Variants in RANBP2 observed in about 807,000 individuals in gnomAD.
RANBP2 encodes RAN binding protein 2.
RANBP2 carries 57 observed loss-of-function variants against 303.6 expected under a neutral mutation model. The observed-to-expected ratio is 0.19, with a 90% CI of 0.15 to 0.23. The LOEUF is 0.23. Among genes scored for constraint, RANBP2 ranks in the 10% least tolerant of loss-of-function variants. The pLI, the probability that RANBP2 is intolerant of heterozygous loss-of-function variation, is 1.00. For missense variants in RANBP2, 3,138 were observed against 3,780.8 expected, an observed-to-expected ratio of 0.83 and a Z score of 4.46; for synonymous variants, 1,167 against 1,301.5, an observed-to-expected ratio of 0.90 and a Z score of 2.23.
the RANBP2 span, among the ~76,000 whole-genome samples, chr2:109,161,399 C>T: frequency 2.0e-5 from 3 of 151,904 alleles, no homozygotes; most frequent in Non-Finnish European, 2.9e-5. Context: ...CCTGAGCCTT[C>T]GTTTCCTTTC....
the RANBP2 span, among the ~76,000 whole-genome samples, chr2:109,396,818 G>A: frequency 3.9e-5 from 6 of 152,370 alleles, no homozygotes; most frequent in African/African-American, 1.4e-4. Context: ...CAGAGCGGGC[G>A]TGACTCTGCC....
At chr2:109,293,286 C>G in the RANBP2 span, among the ~76,000 whole-genome samples, 5 of 152,332 alleles carry the variant, frequency 3.3e-5, no homozygotes, top group South Asian at 1.0e-3. Flanking sequence ...AAATACCCAG[C>G]ACTGCACTGC....
In RANBP2 at chr2:108,731,339, C is replaced by T. The variant is rs2149107561; in HGVS notation, c.270C>T (p.Asn90=). The change falls in exon 4 of 29, where the codon AAC becomes AAT. Residue 90 remains asparagine, a synonymous_variant. Coordinates refer to ENST00000283195, the MANE Select transcript of RANBP2 (RefSeq NM_006267.5). ...GATATTAGCGTTCAGTGGAATTAAA[C>T]CCAACACAAAAAGATCTTGTGTTGA... ...VECYRRSVEL[N]PTQKDLVLKI... is the part of the protein sequence containing the mutation. 6.2e-7 allele frequency: 1 copy of T among 1,611,196 alleles called. No homozygotes were observed. The highest frequency in any genetic ancestry group is 8.5e-7 in the Non-Finnish European group (1 of 1,179,466).
chr2:108,722,877 C>T (rs1239219746), intron 1 of RANBP2, among the ~76,000 whole-genome samples: 11 of 151,180 alleles, frequency 7.3e-5, no homozygotes, highest in African/African-American at 2.2e-4. Flanking sequence ...TGTGACAGAG[C>T]GAGACTCTGT....
chr2:109,472,374 G>A, the RANBP2 span, among the ~76,000 whole-genome samples: 1 of 152,066 alleles, frequency 6.6e-6, no homozygotes, highest in South Asian at 2.1e-4. Context: ...AGGGTGTCCT[G>A]GAAGCAATCT....
chr2:109,651,847 C>T, the RANBP2 span, among the ~76,000 whole-genome samples: 5 of 152,202 alleles, frequency 3.3e-5, no homozygotes, highest in East Asian at 1.9e-4. Context: ...AAGATGATGG[C>T]GATGATGATT....
the RANBP2 span, among the ~76,000 whole-genome samples, chr2:108,842,482 C>G: frequency 6.6e-6 from 1 of 152,034 alleles, no homozygotes. Context: ...TTATTGGAGT[C>G]CAGGATGTTA....
In RANBP2 at chr2:108,775,788, T is replaced by C. The variant is rs1428335897; in HGVS notation, c.8349T>C (p.Thr2783=). The change falls in exon 24 of 29, where the codon ACT becomes ACC. Residue 2783 remains threonine (T), a synonymous_variant. Transcript: ENST00000283195. The part of the protein sequence containing the change: ...STTDSVYTGG[T]EVMVPSFCKS... Reference sequence around the variant, plus strand: ...CTGACAGTGTATATACAGGTGGGACTGAAGTGATGGTACCTTCTTTCTGTA... The same window carrying C: ...CTGACAGTGTATATACAGGTGGGACCGAAGTGATGGTACCTTCTTTCTGTA... 2 of 1,613,918 alleles carry C rather than the reference T, an allele frequency of 1.2e-6. No individual in the cohort carries two copies. The highest frequency in any genetic ancestry group is 2.2e-5 in the South Asian group (2 of 91,080).
the RANBP2 span, among the ~76,000 whole-genome samples, chr2:109,401,558 T>C: frequency 6.6e-6 from 1 of 152,154 alleles, no homozygotes; most frequent in East Asian, 1.9e-4. Flanking sequence ...GAGTAATATG[T>C]CCAAAGCTGC....
chr2:109,091,234 T>TAAATA, the RANBP2 span, among the ~76,000 whole-genome samples: 26 of 151,836 alleles, frequency 1.7e-4, no homozygotes, highest in South Asian at 2.9e-3. Context: ...TGTCTCTTAA[T>TAAATA]AAATAAAATA....
chr2:109,615,925 C>T, the RANBP2 span: 1 of 1,606,836 alleles, frequency 6.2e-7, no homozygotes, highest in South Asian at 1.1e-5. Flanking sequence ...CGATTCAGAA[C>T]CCAGATCGTC....
At chr2:109,196,556 G>A in the RANBP2 span, among the ~76,000 whole-genome samples, 2 of 152,174 alleles carry the variant, frequency 1.3e-5, no homozygotes, top group Non-Finnish European at 2.9e-5. Context: ...TGGGTTTGTC[G>A]TCCTGCAAGA....
chr2:108,798,707 CTACA>C, the RANBP2 span: 8 of 584,502 alleles, frequency 1.4e-5, no homozygotes, highest in Admixed American at 3.7e-5. Context: ...CTCTCCACGC[CTACA>C]CACACACACA....
At chr2:109,452,622 C>T in the RANBP2 span, among the ~76,000 whole-genome samples, 1 of 152,204 alleles carries the variant, frequency 6.6e-6, no homozygotes, top group African/African-American at 2.4e-5. Flanking sequence ...GATTTACGCG[C>T]CATATCCCTG....
the RANBP2 span, among the ~76,000 whole-genome samples, chr2:108,832,256 A>C: frequency 2.0e-5 from 3 of 150,350 alleles, no homozygotes; most frequent in Non-Finnish European, 3.0e-5. Context: ...CAAACTCCTG[A>C]CCTCAAGTGA....
At chr2:108,951,886 T>C in the RANBP2 span, among the ~76,000 whole-genome samples, 1 of 152,184 alleles carries the variant, frequency 6.6e-6, no homozygotes, top group African/African-American at 2.4e-5. Context: ...CAAGGTCTCT[T>C]GAGGTATTGA....
At chr2:109,102,303 T>TG in the RANBP2 span, among the ~76,000 whole-genome samples, 2 of 151,860 alleles carry the variant, frequency 1.3e-5, no homozygotes, top group Non-Finnish European at 2.9e-5. Flanking sequence ...GGTTTCACCG[T>TG]GTTAGCCAGG....
chr2:108,948,866 C>T, the RANBP2 span, among the ~76,000 whole-genome samples: 1,447 of 152,150 alleles, frequency 9.5e-3, 20 homozygotes, highest in Middle Eastern at 0.024. Flanking sequence ...GCGTATAATC[C>T]CAGCACTTTG....
chr2:109,129,413 A>T, the RANBP2 span: 1 of 1,450,534 alleles, frequency 6.9e-7, no homozygotes, highest in Non-Finnish European at 9.2e-7. Flanking sequence ...GCATCGGGCC[A>T]CCAGCCGGGG....
Sources: gnomAD v4.1 joint callset for allele counts (sites outside exome capture counted in the v4.1 genomes callset) on GRCh38, gnomAD v4.1.1 for gene constraint, MANE v1.5 for transcripts, NCBI Gene and HGNC (gene_info 2026-07-23, HGNC 2026-07-21) for gene names.